Variants in HSD17B6 observed in about 807,000 individuals in gnomAD.
The protein encoded by HSD17B6 is hydroxysteroid 17-beta dehydrogenase 6.
HSD17B6 carries 16 observed loss-of-function variants against 26.4 expected under a neutral mutation model. The ratio of observed to expected loss-of-function variants is 0.61; its 90% CI spans 0.41 to 0.92. HSD17B6 has a LOEUF of 0.92. HSD17B6 is among the 40% of genes least tolerant of loss of function. The probability of loss-of-function intolerance (pLI) is 0.00; values close to 1 mark genes in which losing one functional copy is unlikely to be tolerated. For synonymous variants in HSD17B6, 139 were observed against 153.0 expected (o/e 0.91, Z 0.68); for missense variants, 357 against 386.1 (o/e 0.92, Z 0.63).
chr12:56,766,360 T>C (rs964792741), intron 1 of HSD17B6, among the ~76,000 whole-genome samples: 1 of 152,162 alleles, frequency 6.6e-6, no homozygotes, highest in African/African-American at 2.4e-5. Context: ...GGTATCTCCA[T>C]TTATTAGTGC....
chr12:56,782,660 ATTTTTT>A (rs62818963), intron 3 of HSD17B6, among the ~76,000 whole-genome samples: 2 of 133,108 alleles, frequency 1.5e-5, no homozygotes, highest in Non-Finnish European at 3.2e-5. Flanking sequence ...TGCCCAGCTA[ATTTTTT>A]TTTTTTTTTT....
chr12:56,782,173 C>T lies in HSD17B6; in HGVS notation c.513C>T (p.Phe171=), dbSNP rs766567845. The change falls in exon 3 of 5, where the codon TTC becomes TTT. Residue 171 remains phenylalanine (F), a synonymous_variant. Transcript: ENST00000322165. Reference sequence around the variant, plus strand: ...CCAGCATTCTGGGAAGAGTTGCTTTCTTTGTAGGAGGCTACTGTGTCTCCA... The same window carrying T: ...CCAGCATTCTGGGAAGAGTTGCTTTTTTTGTAGGAGGCTACTGTGTCTCCA... ...NVSSILGRVA[F]FVGGYCVSKY... 2 of 1,614,148 alleles carry T rather than the reference C, an allele frequency of 1.2e-6. No individual in the cohort carries two copies. The highest frequency in any genetic ancestry group is 2.2e-5 in the East Asian group (1 of 44,882).
Position 56,774,180 on chromosome 12 carries a change from C to T in HSD17B6, c.313+15C>T. Reference sequence around the variant, plus strand: ...GGGGGACAGAGGTATGAAATATTTTCTCCTTTTATTTACTTAGCATGAAGA... The same window carrying T: ...GGGGGACAGAGGTATGAAATATTTTTTCCTTTTATTTACTTAGCATGAAGA... On this transcript the variant is annotated intron_variant, in intron 2 of 4. Transcript: ENST00000322165. 6.5e-7 allele frequency: 1 copy of T among 1,527,528 alleles called. No individual in the cohort carries two copies. The highest frequency in any genetic ancestry group is 8.8e-7 in the Non-Finnish European group (1 of 1,137,252). The allele number at this position is 1,527,528 out of a possible 1,614,324, so 94.6% of individuals were successfully genotyped here. A position where few individuals can be genotyped will look rare whatever the true frequency, so the allele number is the denominator to read the frequency against.
In HSD17B6 at chr12:56,764,004, G is replaced by A. The variant is rs1377172656; in HGVS notation, c.-20+590G>A. The stretch of plus-strand genomic sequence containing the variant: ...GGATCACCTGAGCCCAGGAGGTCGA[G>A]GCTACAGTGAGCTGTGATTGCACCA... On this transcript the variant is annotated intron_variant, in intron 1 of 4. Coordinates refer to ENST00000322165, the MANE Select transcript of HSD17B6 (RefSeq NM_003725.4). 7.0e-5 allele frequency among the ~76,000 whole-genome samples: 10 copies of A among 143,392 alleles called. No individual in the cohort carries two copies. The East Asian group carries it at 2.0e-3, about 29-fold the overall frequency. 94.1% of individuals were successfully genotyped at this position (143,392 alleles called of 152,430 possible).
chr12:56,782,542 G>T (rs368874118), intron 3 of HSD17B6, among the ~76,000 whole-genome samples: 1 of 152,038 alleles, frequency 6.6e-6, no homozygotes, highest in Non-Finnish European at 1.5e-5. Flanking sequence ...TCAAGCTGGA[G>T]TGCAATTGTG....
intron 2 of HSD17B6, among the ~76,000 whole-genome samples, chr12:56,774,845 G>A (rs995396436): frequency 6.6e-6 from 1 of 152,246 alleles, no homozygotes; most frequent in Non-Finnish European, 1.5e-5. Flanking sequence ...GATGGGGAGT[G>A]GCTGTAAATA....
intron 2 of HSD17B6, among the ~76,000 whole-genome samples, chr12:56,777,211 A>C (rs1954610093): frequency 6.6e-6 from 1 of 152,096 alleles, no homozygotes; most frequent in African/African-American, 2.4e-5. Context: ...GCACTTGTGA[A>C]TAGCCACTAG....
intron 3 of HSD17B6, among the ~76,000 whole-genome samples, chr12:56,784,258 C>T (rs1231584000): frequency 6.6e-6 from 1 of 152,222 alleles, no homozygotes; most frequent in African/African-American, 2.4e-5. Context: ...AGACGCTCCT[C>T]ACTTCCCAGA....
chr12:56,783,525 C>T (rs1325816779), intron 3 of HSD17B6, among the ~76,000 whole-genome samples: 2 of 142,790 alleles, frequency 1.4e-5, no homozygotes, highest in Admixed American at 6.9e-5. Flanking sequence ...GATGGGGCGG[C>T]CGGCCGGGCG....
chr12:56,775,606 AG>A (rs1396271804), intron 2 of HSD17B6, among the ~76,000 whole-genome samples: 1 of 152,198 alleles, frequency 6.6e-6, no homozygotes, highest in Non-Finnish European at 1.5e-5. Flanking sequence ...TTGAACAGAA[AG>A]TACAGAGTTC....
At chr12:56,783,294 G>A (rs536426693) in intron 3 of HSD17B6, among the ~76,000 whole-genome samples, 1 of 148,636 alleles carries the variant, frequency 6.7e-6, no homozygotes, top group African/African-American at 2.5e-5. Flanking sequence ...CTCCCGGACG[G>A]GGCGGCTGGC....
rs1954903730 is a variant in HSD17B6, at chr12:56,787,422, C to A, written c.*80C>A. ...GTCTCAGTAATCCTGATTTAGAACC[C>A]AGGCTTTTTGTAACAATGTGTTTTC... On this transcript the variant is annotated 3_prime_UTR_variant, in exon 5 of 5. Coordinates refer to ENST00000322165, the MANE Select transcript of HSD17B6 (RefSeq NM_003725.4). The A allele has an allele frequency of 1.1e-6, 1 of 902,572 alleles. No individual in the cohort carries two copies. The highest frequency in any genetic ancestry group is 2.6e-5 in the East Asian group (1 of 38,260). 55.9% of individuals were successfully genotyped at this position (902,572 alleles called of 1,614,324 possible).
chr12:56,768,767 C>CG (rs1350764743), intron 1 of HSD17B6, among the ~76,000 whole-genome samples: 44 of 17,246 alleles, frequency 2.6e-3, no homozygotes, highest in East Asian at 9.1e-3. Flanking sequence ...TGGCGGTGGG[C>CG]GGGGGGGAGG....
At position 56,784,891 on chromosome 12, in the gene HSD17B6, T is replaced by C; in HGVS notation, c.611T>C (p.Val204Ala). The C allele has an allele frequency of 6.2e-7, 1 of 1,614,154 alleles. No individual in the cohort carries two copies. Among genetic ancestry groups the C allele is most frequent in the Non-Finnish European group, 8.5e-7 (1 of 1,180,008 alleles). The change falls in exon 4 of 5, where the codon GTT (valine) becomes GCT (alanine). Residue 204 changes from valine (V) to alanine (A), a missense_variant. Coordinates refer to ENST00000322165, the MANE Select transcript of HSD17B6 (RefSeq NM_003725.4). ...CATTTTGGGGTGAAAATCAGCATAG[T>C]TGAACCTGGCTACTTCAGAACGGGA... The part of the protein sequence containing the change: ...IQHFGVKISI[V>A]EPGYFRTGMT...
chr12:56,780,840 CAAA>C (rs59227954), intron 2 of HSD17B6, among the ~76,000 whole-genome samples: 1 of 64,102 alleles, frequency 1.6e-5, no homozygotes, highest in Non-Finnish European at 3.1e-5. Flanking sequence ...GACTCCGTCT[CAAA>C]AAAAAAAAAA....
intron 2 of HSD17B6, among the ~76,000 whole-genome samples, chr12:56,778,188 C>A (rs554498635): frequency 2.0e-5 from 3 of 152,332 alleles, no homozygotes; most frequent in Non-Finnish European, 4.4e-5. Flanking sequence ...GAATTTCCAA[C>A]TACTTGCCGC....
At chr12:56,769,644 G>C (rs1428022245) in intron 1 of HSD17B6, among the ~76,000 whole-genome samples, 1 of 152,226 alleles carries the variant, frequency 6.6e-6, no homozygotes, top group Non-Finnish European at 1.5e-5. Context: ...ATAGCAGGAA[G>C]TTAATTGAGA....
rs957365956 is a variant in HSD17B6 at position 56,787,591 on chromosome 12, T to A, written c.*249T>A. 2.1e-6 allele frequency: 1 copy of A among 468,136 alleles called. No individual in the cohort carries two copies. The highest frequency in any genetic ancestry group is 3.8e-6 in the Non-Finnish European group (1 of 262,184). 29.0% of individuals were successfully genotyped at this position (468,136 alleles called of 1,614,324 possible). On this transcript the variant is annotated 3_prime_UTR_variant, in exon 5 of 5. Transcript: ENST00000322165. ...TATTTGTCTAAAGTGAATCATTTGT[T>A]CTTGCCTTATTAAACAGAGTAGATG...
At chr12:56,786,811 T>C (rs1271058152) in intron 4 of HSD17B6, among the ~76,000 whole-genome samples, 1 of 152,082 alleles carries the variant, frequency 6.6e-6, no homozygotes, top group Non-Finnish European at 1.5e-5. Context: ...ATTGTACCAC[T>C]ACACTCCAAC....
Sources: allele counts gnomAD v4.1 joint callset (sites outside exome capture counted in the v4.1 genomes callset), GRCh38; gene constraint gnomAD v4.1.1; transcripts MANE v1.5; gene names NCBI Gene and HGNC (gene_info 2026-07-23, HGNC 2026-07-21).